The following NBEA variants were observed in gnomAD, a reference collection of about 807,000 sequenced individuals.
NBEA encodes the protein lysosomal-trafficking regulator 2.
Under a neutral mutation model 343.4 loss-of-function variants are expected in NBEA, and 44 were observed. The ratio of observed to expected loss-of-function variants is 0.13; its 90% CI spans 0.10 to 0.16. NBEA has a LOEUF of 0.16. NBEA is among the 10% of genes least tolerant of loss of function. NBEA has a pLI of 1.00. For missense variants in NBEA, 2,555 were observed against 3,631.3 expected (o/e 0.70, Z 7.62); for synonymous variants, 1,175 against 1,238.7 (o/e 0.95, Z 1.08).
chr13:35,640,861 T>A (rs1566446985), intron 49 of NBEA, among the ~76,000 whole-genome samples: 1 of 152,142 alleles, frequency 6.6e-6, no homozygotes, highest in Non-Finnish European at 1.5e-5. Flanking sequence ...CTTCTCTGCC[T>A]ATACCTACAA....
At chr13:35,494,273 A>C (rs1013244452) in intron 41 of NBEA, among the ~76,000 whole-genome samples, 1 of 152,022 alleles carries the variant, frequency 6.6e-6, no homozygotes, top group Non-Finnish European at 1.5e-5. Flanking sequence ...GATGAGAGCA[A>C]AATATTAGAG....
chr13:35,616,292 CA>C (rs2082736257), intron 48 of NBEA, among the ~76,000 whole-genome samples: 1 of 152,168 alleles, frequency 6.6e-6, no homozygotes, highest in African/African-American at 2.4e-5. Flanking sequence ...GACCTGCGAA[CA>C]AAACCATAGT....
chr13:35,034,532 C>T (rs962070159), intron 1 of NBEA, among the ~76,000 whole-genome samples: 1 of 151,626 alleles, frequency 6.6e-6, no homozygotes, highest in Non-Finnish European at 1.5e-5. Flanking sequence ...TAATACGGGC[C>T]TCATGGAATG....
chr13:35,098,332 A>G lies in NBEA; in HGVS notation c.1607A>G (p.Lys536Arg). The G allele has an allele frequency of 6.3e-7, 1 of 1,591,754 alleles. No homozygotes were observed. The highest frequency in any genetic ancestry group is 8.6e-7 in the Non-Finnish European group (1 of 1,167,610). The change falls in exon 11 of 59, where the codon AAA (lysine) becomes AGA (arginine). Residue 536 changes from lysine to arginine, a missense_variant. Lys to Arg is a conservative substitution (Grantham distance 26). This residue lies in a region of NBEA where 360 missense variants were observed against 519.1 expected (regional missense o/e 0.69). Coordinates refer to ENST00000379939, the MANE Select transcript of NBEA (RefSeq NM_001385012.1). ...TTGGCATTCCTGGTTGAACTACTTA[A>G]AAGTTCAGTAGCCATGCAAGAACAG... ...TLLAFLVELLKSSVAMQEQML... is the reference protein window; with the variant it reads ...TLLAFLVELLRSSVAMQEQML...
At chr13:35,269,498 A>G (rs995281102) in intron 34 of NBEA, among the ~76,000 whole-genome samples, 2 of 152,180 alleles carry the variant, frequency 1.3e-5, no homozygotes, top group East Asian at 1.9e-4. Flanking sequence ...GAAGTGGTCA[A>G]TATTATAGAG....
intron 41 of NBEA, among the ~76,000 whole-genome samples, chr13:35,508,149 G>A (rs1281627383): frequency 6.6e-6 from 1 of 152,120 alleles, no homozygotes; most frequent in Non-Finnish European, 1.5e-5. Context: ...AGAAACGGTA[G>A]TAGAATCCAG....
chr13:35,374,473 G>T (rs2041631660), intron 38 of NBEA, among the ~76,000 whole-genome samples: 2 of 152,206 alleles, frequency 1.3e-5, no homozygotes, highest in South Asian at 4.1e-4. Context: ...CAAGAGAGTT[G>T]CTTGATACAG....
At chr13:35,603,927 G>T (rs910542784) in intron 47 of NBEA, among the ~76,000 whole-genome samples, 1 of 152,218 alleles carries the variant, frequency 6.6e-6, no homozygotes, top group African/African-American at 2.4e-5. Flanking sequence ...TTCCCAAAGA[G>T]TGAGAGTAAG....
chr13:35,264,807 A>G (rs998186302), intron 34 of NBEA, among the ~76,000 whole-genome samples: 7 of 151,874 alleles, frequency 4.6e-5, no homozygotes, highest in African/African-American at 1.7e-4. Context: ...ACAATTTGAA[A>G]CTTTTTCCTC....
intron 8 of NBEA, among the ~76,000 whole-genome samples, chr13:35,059,388 T>C (rs1361793052): frequency 1.3e-5 from 2 of 151,896 alleles, no homozygotes; most frequent in Non-Finnish European, 2.9e-5. Flanking sequence ...TATCATATTC[T>C]TTTTGTTTTT....
intron 33 of NBEA, among the ~76,000 whole-genome samples, chr13:35,221,902 C>T (rs768573691): frequency 6.6e-6 from 1 of 152,092 alleles, no homozygotes; most frequent in Non-Finnish European, 1.5e-5. Flanking sequence ...AAGAGCGGTC[C>T]AGAAACCAAA....
At chr13:35,379,790 G>A (rs1046239517) in intron 38 of NBEA, among the ~76,000 whole-genome samples, 10 of 150,848 alleles carry the variant, frequency 6.6e-5, no homozygotes, top group African/African-American at 2.4e-4. Flanking sequence ...TAGTTAAGAT[G>A]TTTGTTTCTG....
At chr13:35,467,226 C>T (rs2075420630) in intron 40 of NBEA, among the ~76,000 whole-genome samples, 1 of 152,156 alleles carries the variant, frequency 6.6e-6, no homozygotes, top group Non-Finnish European at 1.5e-5. Flanking sequence ...GTAATCCCAG[C>T]ACTGTGGGAG....
At chr13:35,515,555 A>G (rs1042456658) in intron 41 of NBEA, among the ~76,000 whole-genome samples, 2 of 152,206 alleles carry the variant, frequency 1.3e-5, no homozygotes, top group African/African-American at 4.8e-5. Context: ...AAATACCAAA[A>G]TGGTTTTTTC....
chr13:34,978,961 T>A (rs2060267178), intron 1 of NBEA, among the ~76,000 whole-genome samples: 2 of 152,282 alleles, frequency 1.3e-5, no homozygotes, highest in African/African-American at 4.8e-5. Flanking sequence ...ATGTTTTTAT[T>A]CCTTTTGGGT....
At chr13:35,262,318 C>A (rs575130606) in intron 34 of NBEA, among the ~76,000 whole-genome samples, 1 of 152,220 alleles carries the variant, frequency 6.6e-6, no homozygotes, top group South Asian at 2.1e-4. Context: ...CCGAGTAATC[C>A]CATTTCTGAG....
At chr13:35,227,145 T>A (rs1254816350) in intron 33 of NBEA, among the ~76,000 whole-genome samples, 1 of 152,034 alleles carries the variant, frequency 6.6e-6, no homozygotes, top group Non-Finnish European at 1.5e-5. Flanking sequence ...TAAGCATTTT[T>A]TTTTTCAATA....
At chr13:35,073,204 G>T (rs73483921) in intron 10 of NBEA, among the ~76,000 whole-genome samples, 15,848 of 152,142 alleles carry the variant, frequency 0.1, 980 homozygotes, top group African/African-American at 0.16. Context: ...ATGCAGGGGT[G>T]ATAGAATTTT....
At chr13:35,055,165 A>G (rs1051038652) in intron 6 of NBEA, among the ~76,000 whole-genome samples, 8 of 152,182 alleles carry the variant, frequency 5.3e-5, no homozygotes, top group Admixed American at 2.0e-4. Context: ...TCCCCCCTTA[A>G]CTTCAGAAAG....
Sources: allele counts gnomAD v4.1 joint callset (sites outside exome capture counted in the v4.1 genomes callset), GRCh38; gene constraint gnomAD v4.1.1; regional missense constraint gnomAD v4.1.1; transcripts MANE v1.5; gene names NCBI Gene and HGNC (gene_info 2026-07-23, HGNC 2026-07-21).